Variants in ROBO1 observed in about 807,000 individuals in gnomAD.
ROBO1 encodes the protein roundabout guidance receptor 1.
ROBO1 carries 149 observed loss-of-function variants against 195.9 expected under a neutral mutation model. The ratio of observed to expected loss-of-function variants is 0.76; its 90% CI spans 0.67 to 0.87. The LOEUF (loss-of-function observed/expected upper bound fraction) is 0.87. Among genes scored for constraint, ROBO1 ranks in the 40% least tolerant of loss-of-function variants. ROBO1 has a pLI of 0.00. For missense variants in ROBO1, 1,933 were observed against 2,068.3 expected (o/e 0.93, Z 1.27); for synonymous variants, 816 against 733.2 (o/e 1.11, Z -1.82).
At chr3:79,104,024 C>CT (rs2079729028) in intron 3 of ROBO1, among the ~76,000 whole-genome samples, 1 of 151,704 alleles carries the variant, frequency 6.6e-6, no homozygotes, top group East Asian at 1.9e-4. Context: ...GCTCTCTACT[C>CT]TGACAACACA....
At chr3:79,018,335 G>T in intron 3 of ROBO1, 1 of 1,577,338 alleles carries the variant, frequency 6.3e-7, no homozygotes, top group Non-Finnish European at 8.7e-7. Flanking sequence ...TACACTTCTG[G>T]GTTTGATCGT....
chr3:79,676,528 T>C (rs1373549259), intron 1 of ROBO1, among the ~76,000 whole-genome samples: 2 of 152,058 alleles, frequency 1.3e-5, no homozygotes, highest in East Asian at 3.9e-4. Context: ...TTCTTGTGGC[T>C]GTATGACTGA....
chr3:78,878,490 C>A (rs1311865699), intron 4 of ROBO1, among the ~76,000 whole-genome samples: 1 of 143,268 alleles, frequency 7.0e-6, no homozygotes, highest in Non-Finnish European at 1.5e-5. Flanking sequence ...GAGGCTGAGG[C>A]AGGAGAATCG....
chr3:78,733,605 C>G (rs2082329698), intron 5 of ROBO1, among the ~76,000 whole-genome samples: 1 of 152,012 alleles, frequency 6.6e-6, no homozygotes, highest in South Asian at 2.1e-4. Context: ...GAGATAAATT[C>G]TAAAACTATA....
intron 3 of ROBO1, among the ~76,000 whole-genome samples, chr3:78,948,772 C>T (rs1433893888): frequency 6.6e-6 from 1 of 152,188 alleles, no homozygotes; most frequent in Admixed American, 6.5e-5. Context: ...ACCCCATCGT[C>T]TCAGCCCAAA....
At chr3:79,696,457 A>AT (rs1947451227) in intron 1 of ROBO1, among the ~76,000 whole-genome samples, 2 of 147,120 alleles carry the variant, frequency 1.4e-5, no homozygotes, top group Admixed American at 6.9e-5. Context: ...ATATCTAAAT[A>AT]ATATATATAT....
chr3:78,850,309 A>C (rs72896443), intron 4 of ROBO1, among the ~76,000 whole-genome samples: 1 of 152,158 alleles, frequency 6.6e-6, no homozygotes, highest in African/African-American at 2.4e-5. Context: ...GAGTAGCTAA[A>C]TAAGGACAAT....
chr3:78,628,313 A>G (rs1212374892), intron 25 of ROBO1, among the ~76,000 whole-genome samples: 2 of 152,240 alleles, frequency 1.3e-5, no homozygotes, highest in African/African-American at 4.8e-5. Flanking sequence ...CAACCTGTTC[A>G]GTCCAATACA....
chr3:79,329,574 A>G (rs1576983044), intron 2 of ROBO1, among the ~76,000 whole-genome samples: 2 of 152,344 alleles, frequency 1.3e-5, no homozygotes, highest in South Asian at 4.1e-4. Flanking sequence ...GTATGTATCA[A>G]ATAACAAAAT....
At chr3:78,739,464 C>T (rs1479312096) in intron 5 of ROBO1, among the ~76,000 whole-genome samples, 1 of 152,120 alleles carries the variant, frequency 6.6e-6, no homozygotes, top group Non-Finnish European at 1.5e-5. Flanking sequence ...CTGATAACTA[C>T]AAAGCATATT....
chr3:78,813,913 G>C (rs1197683086), intron 4 of ROBO1, among the ~76,000 whole-genome samples: 1 of 151,996 alleles, frequency 6.6e-6, no homozygotes, highest in Non-Finnish European at 1.5e-5. Context: ...TCCTGTGAGA[G>C]TGGATCCAGA....
intron 2 of ROBO1, among the ~76,000 whole-genome samples, chr3:79,322,880 C>T (rs981108293): frequency 3.9e-5 from 6 of 152,080 alleles, no homozygotes; most frequent in Non-Finnish European, 7.4e-5. Context: ...AAAATGGACA[C>T]AATTAATCAT....
At chr3:78,698,100 T>C (rs1469425794) in intron 8 of ROBO1, among the ~76,000 whole-genome samples, 2 of 151,820 alleles carry the variant, frequency 1.3e-5, no homozygotes, top group Non-Finnish European at 2.9e-5. Context: ...ACACATCTGA[T>C]ACACTAGAAT....
At chr3:79,265,284 T>C (rs1675243680) in intron 2 of ROBO1, among the ~76,000 whole-genome samples, 1 of 150,234 alleles carries the variant, frequency 6.7e-6, no homozygotes. Flanking sequence ...AATTTTCAAA[T>C]TGGAAAAGCA....
intron 3 of ROBO1, among the ~76,000 whole-genome samples, chr3:78,969,679 G>T (rs2076720756): frequency 6.6e-6 from 1 of 152,116 alleles, no homozygotes; most frequent in Non-Finnish European, 1.5e-5. Context: ...GACGTGTCTG[G>T]CAGAGCCACA....
chr3:79,119,976 T>A (rs1229239769), intron 3 of ROBO1, among the ~76,000 whole-genome samples: 1 of 152,094 alleles, frequency 6.6e-6, no homozygotes, highest in Non-Finnish European at 1.5e-5. Context: ...TTCACTATGT[T>A]GGCCAGGCTG....
At chr3:78,776,933 G>A (rs1236991924) in intron 4 of ROBO1, among the ~76,000 whole-genome samples, 1 of 152,082 alleles carries the variant, frequency 6.6e-6, no homozygotes, top group Non-Finnish European at 1.5e-5. Flanking sequence ...ACTTAAAAAG[G>A]TGCCCAGTAC....
chr3:79,414,607 G>C (rs4411849), intron 2 of ROBO1, among the ~76,000 whole-genome samples: 1 of 151,866 alleles, frequency 6.6e-6, no homozygotes, highest in Admixed American at 6.6e-5. Flanking sequence ...TTTAATTTGA[G>C]ATAATCATAA....
At chr3:79,282,270 G>C (rs946317461) in intron 2 of ROBO1, among the ~76,000 whole-genome samples, 2 of 152,178 alleles carry the variant, frequency 1.3e-5, no homozygotes, top group African/African-American at 4.8e-5. Context: ...ATTCAAGATA[G>C]AATACAGAAT....
Sources: allele counts gnomAD v4.1 joint callset (sites outside exome capture counted in the v4.1 genomes callset), GRCh38; gene constraint gnomAD v4.1.1; transcripts MANE v1.5; gene names NCBI Gene and HGNC (gene_info 2026-07-23, HGNC 2026-07-21).